The following AVEN variants were observed in gnomAD, a reference collection of about 807,000 sequenced individuals.
AVEN encodes the protein apoptosis and caspase activation inhibitor, also known as cell death regulator Aven.
A neutral mutation model predicts 38.1 loss-of-function variants in AVEN; 41 were observed. That is an observed-to-expected ratio of 1.08 (90% CI 0.84 to 1.40). The LOEUF is 1.40. AVEN is among the 40% of genes most tolerant of loss of function. The pLI, the probability that AVEN is intolerant of heterozygous loss-of-function variation, is 0.00. For missense variants in AVEN, 605 were observed against 438.8 expected, an observed-to-expected ratio of 1.38 and a Z score of -3.38; for synonymous variants, 206 against 171.8, an observed-to-expected ratio of 1.20 and a Z score of -1.56.
rs117661152 is a variant in AVEN, at chr15:34,049,453, G to A, written n.1637+13469C>T. On this transcript the variant is annotated intron_variant and non_coding_transcript_variant, in intron 5 of 11. Coordinates refer to the AVEN transcript ENST00000675287. ...GAATAGACCAGTGGAAAAAAGAATC[G>A]CAGAGTTTGAAGACTATTTTTCTGA... 2.2e-3 allele frequency among the ~76,000 whole-genome samples: 330 copies of A among 152,196 alleles called. 9 individuals are homozygous for A. The East Asian group carries it at 0.05, about 23-fold the overall frequency.
chr15:33,906,195 T>C (rs1892693142), intron 2 of AVEN, among the ~76,000 whole-genome samples: 1 of 151,518 alleles, frequency 6.6e-6, no homozygotes, highest in Non-Finnish European at 1.5e-5. Flanking sequence ...GTGGAATGGG[T>C]GGAGGGAGGG....
At chr15:34,050,382 G>A (rs116341539) in intron 5 of AVEN, among the ~76,000 whole-genome samples, 2,499 of 152,208 alleles carry the variant, frequency 0.016, 85 homozygotes, top group African/African-American at 0.056. Context: ...ACCCGTTACC[G>A]GACACTACAA....
intron 1 of AVEN, among the ~76,000 whole-genome samples, chr15:34,022,069 C>T (rs768442093): frequency 6.6e-5 from 10 of 152,186 alleles, no homozygotes; most frequent in Non-Finnish European, 1.3e-4. Context: ...AGGACAAGTA[C>T]ATGCATTATA....
intron 2 of AVEN, among the ~76,000 whole-genome samples, chr15:33,980,594 G>C (rs1318677125): frequency 1.4e-5 from 2 of 146,974 alleles, no homozygotes; most frequent in South Asian, 2.3e-4. Context: ...GTATATTAAA[G>C]CCTTGGGCAC....
At chr15:34,043,497 T>G (rs1265994906), upstream of AVEN, among the ~76,000 whole-genome samples, 1 of 152,184 alleles carries the variant, frequency 6.6e-6, no homozygotes, top group Non-Finnish European at 1.5e-5. Flanking sequence ...CTTTATTTAC[T>G]ATGTTGTTTT....
At chr15:33,877,379 A>G (rs1160629083) in intron 2 of AVEN, among the ~76,000 whole-genome samples, 1 of 152,264 alleles carries the variant, frequency 6.6e-6, no homozygotes, top group Non-Finnish European at 1.5e-5. Flanking sequence ...GCAGGGGACA[A>G]CAGCATGATA....
At chr15:33,969,074 G>A (rs1002922786) in intron 2 of AVEN, 1 of 152,106 alleles carries the variant, frequency 6.6e-6, no homozygotes, top group Admixed American at 6.5e-5. Context: ...GGAAAGTAGA[G>A]AAGGCATTTT....
chr15:34,027,818 T>G (rs1289566298), intron 1 of AVEN, among the ~76,000 whole-genome samples: 5 of 85,876 alleles, frequency 5.8e-5, no homozygotes, highest in South Asian at 4.6e-4. Flanking sequence ...AAGGATCAGG[T>G]GAGGCTCAAA....
At chr15:33,933,681 G>A (rs947512109) in intron 2 of AVEN, among the ~76,000 whole-genome samples, 36 of 152,236 alleles carry the variant, frequency 2.4e-4, no homozygotes, top group African/African-American at 8.7e-4. Context: ...AGTCTCAGCC[G>A]GGTGCAGTGG....
rs540954777 is a variant in AVEN, at chr15:33,961,586, G to A, written c.445+41446C>T. Among the ~76,000 whole-genome samples the A allele has an allele frequency of 3.3e-5, 5 of 151,936 alleles. No homozygotes were observed. The South Asian group carries it at 1.0e-3, about 32-fold the overall frequency. On this transcript the variant is annotated intron_variant, in intron 2 of 5. Coordinates refer to ENST00000306730, the MANE Select transcript of AVEN (RefSeq NM_020371.3). The stretch of plus-strand genomic sequence containing the variant: ...CCCAGCACTTTGGGAGGCCAAGGTG[G>A]GCGAATCACGAGGTCAGGAGATCGA...
At chr15:34,061,982 T>TA (rs1900348317) in intron 5 of AVEN, among the ~76,000 whole-genome samples, 1 of 152,232 alleles carries the variant, frequency 6.6e-6, no homozygotes, top group Non-Finnish European at 1.5e-5. Flanking sequence ...TTTCAGCCCT[T>TA]ATGATCATTG....
At chr15:34,034,274 C>T (rs1310919569) in intron 1 of AVEN, among the ~76,000 whole-genome samples, 1 of 151,950 alleles carries the variant, frequency 6.6e-6, no homozygotes, top group East Asian at 1.9e-4. Context: ...GAGACCATGT[C>T]TACAAAATAT....
At chr15:34,042,693 G>A (rs994271632), upstream of AVEN, among the ~76,000 whole-genome samples, 4 of 151,908 alleles carry the variant, frequency 2.6e-5, no homozygotes, top group African/African-American at 7.3e-5. Context: ...AACAGCCACC[G>A]TGCCCGGCAA....
chr15:34,034,921 T>A (rs1188353131), intron 1 of AVEN, among the ~76,000 whole-genome samples: 2 of 152,196 alleles, frequency 1.3e-5, no homozygotes, highest in Non-Finnish European at 2.9e-5. Context: ...AGGCTGTCAT[T>A]TCAGTTTGAG....
chr15:33,854,689 A>T (rs1328663264), downstream of AVEN: 5 of 1,526,340 alleles, frequency 3.3e-6, no homozygotes, highest in African/African-American at 5.6e-5. Flanking sequence ...TGTGTCTCCC[A>T]AAATAAGAAA....
downstream of AVEN, chr15:33,865,218 C>T: frequency 1.2e-6 from 2 of 1,611,202 alleles, no homozygotes; most frequent in East Asian, 2.2e-5. Flanking sequence ...TGAAGATCAG[C>T]TTGGATAAAT....
exon 1 of AVEN, among the ~76,000 whole-genome samples, chr15:34,075,092 A>C (rs1567498789): frequency 6.7e-6 from 1 of 148,368 alleles, no homozygotes; most frequent in Non-Finnish European, 1.5e-5. Flanking sequence ...CAGGAGAATC[A>C]GTTGAACCCG....
At chr15:34,041,334 G>A (rs760321911), upstream of AVEN, among the ~76,000 whole-genome samples, 54 of 151,954 alleles carry the variant, frequency 3.6e-4, no homozygotes, top group Admixed American at 1.4e-3. Flanking sequence ...AGGAGCTACC[G>A]ATGTAATTTA....
intron 2 of AVEN, among the ~76,000 whole-genome samples, chr15:33,924,381 A>C (rs1158108823): frequency 6.6e-6 from 1 of 151,876 alleles, no homozygotes; most frequent in African/African-American, 2.4e-5. Context: ...AAAAAAAAAA[A>C]ATTATTATTT....
Sources: allele counts gnomAD v4.1 joint callset (sites outside exome capture counted in the v4.1 genomes callset), GRCh38; gene constraint gnomAD v4.1.1; transcripts MANE v1.5; gene names NCBI Gene and HGNC (gene_info 2026-07-23, HGNC 2026-07-21).